The following FANCD2 variants were observed in gnomAD, a reference collection of about 807,000 sequenced individuals.
FANCD2 encodes FA complementation group D2.
Under a neutral mutation model 192.3 loss-of-function variants are expected in FANCD2, and 131 were observed. The ratio of observed to expected loss-of-function variants is 0.68; its 90% CI spans 0.59 to 0.79. FANCD2 has a LOEUF of 0.79. FANCD2 is among the 30% of genes least tolerant of loss of function. The pLI is 0.00. For synonymous variants in FANCD2, 524 were observed against 612.5 expected (o/e 0.86, Z 2.13); for missense variants, 1,508 against 1,701.6 (o/e 0.89, Z 2.00).
At chr3:10,099,164 C>G in intron 43 of FANCD2, 1 of 1,430,566 alleles carries the variant, frequency 7.0e-7, no homozygotes, top group African/African-American at 1.4e-5. Context: ...TGAGTTAAAC[C>G]ATTTAAACAC....
rs759252565 is a variant in FANCD2 at position 10,085,872 on chromosome 3, T to C, written c.3285T>C (p.Ser1095=). 1.9e-6 allele frequency: 3 copies of C among 1,613,796 alleles called. No homozygotes were observed. The highest frequency in any genetic ancestry group is 2.2e-5 in the East Asian group (1 of 44,882). Residue 1095 remains serine (S), a synonymous_variant, in exon 33 of 44, where the codon AGT becomes AGC. Transcript: ENST00000675286. ...NLLYSALHVL[S]SRLKQGEHSQ... ...TGTATTCAGCCCTCCATGTCCTTAGTAGCCGACTGAAACAGGGAGAACACA... is the reference window on the plus strand; with the variant it reads ...TGTATTCAGCCCTCCATGTCCTTAGCAGCCGACTGAAACAGGGAGAACACA...
chr3:10,093,358 T>C, intron 39 of FANCD2, 35 bp downstream of exon 39: 1 of 1,558,480 alleles, frequency 6.4e-7, no homozygotes, highest in Non-Finnish European at 8.9e-7. Flanking sequence ...TCATATTTAT[T>C]CTTCCTGTGG....
At position 10,092,482 on chromosome 3, in the gene FANCD2, T is replaced by C. The variant is rs116832443; in HGVS notation, c.3849+230T>C. Reference sequence around the variant, plus strand: ...TCCTCCTACTTATGCCACAATACTATTTAATGACTCCTTCCATCTGTAATT... The same window carrying C: ...TCCTCCTACTTATGCCACAATACTACTTAATGACTCCTTCCATCTGTAATT... On this transcript the variant is annotated intron_variant, in intron 38 of 43. Coordinates refer to ENST00000675286, the MANE Select transcript of FANCD2 (RefSeq NM_001018115.3). Among the ~76,000 whole-genome samples the C allele has an allele frequency of 8.2e-3, 1,241 of 151,740 alleles. 21 individuals are homozygous for C. Among genetic ancestry groups the C allele is most frequent in the African/African-American group, 0.028 (1,165 of 41,308 alleles).
intron 9 of FANCD2, chr3:10,040,718 A>G (rs2086843436): frequency 2.8e-6 from 1 of 360,790 alleles, no homozygotes; most frequent in Non-Finnish European, 5.4e-6. Context: ...TTTTTTTTAA[A>G]TTCAGTTTGT....
At chr3:10,031,506 A>G (rs1057399726) in intron 2 of FANCD2, among the ~76,000 whole-genome samples, 1 of 151,900 alleles carries the variant, frequency 6.6e-6, no homozygotes, top group Non-Finnish European at 1.5e-5. Context: ...CATTTCAAAA[A>G]AAAAAAAAAA....
At chr3:10,051,622 AAGT>A in intron 17 of FANCD2, among the ~76,000 whole-genome samples, 1 of 152,148 alleles carries the variant, frequency 6.6e-6, no homozygotes, top group East Asian at 1.9e-4. Flanking sequence ...AGAATAAAAA[AAGT>A]AGCTTGAGAA....
chr3:10,074,612 TCTC>T lies in FANCD2; in HGVS notation c.2799_2801del (p.Ser934del). On this transcript the variant is annotated inframe_deletion, in exon 29 of 44. Coordinates refer to ENST00000675286, the MANE Select transcript of FANCD2 (RefSeq NM_001018115.3). ...TTCCGAGAGCTGGACATTGAGGTCT[TCTC>T]TATTCTACATTGTGGACTTGTGACG... 6.2e-7 allele frequency: 1 copy of T among 1,613,642 alleles called. No homozygotes were observed. Among genetic ancestry groups the T allele is most frequent in the African/African-American group, 1.3e-5 (1 of 75,022 alleles).
rs1559369611 is a variant in FANCD2 at position 10,032,883 on chromosome 3, A to G, written c.116A>G (p.Asn39Ser). Residue 39 changes from asparagine (N) to serine (S), a missense_variant, in exon 3 of 44, where the codon AAT (asparagine) becomes AGT (serine). Asn to Ser is a conservative substitution (Grantham distance 46). Around this residue, in one of 5 missense-constraint regions of FANCD2, gnomAD observed 435 missense variants for 421.9 expected, o/e 1.03. Transcript: ENST00000675286. ...AAGACAAAGAAATCTCATATTGCTA[A>G]TGAAGTTGAAGAAAATGACAGCATC... ...SKKTKKSHIA[N>S]EVEENDSIFV... 2 of 1,612,080 alleles carry G rather than the reference A, an allele frequency of 1.2e-6. No homozygotes were observed. Among genetic ancestry groups the G allele is most frequent in the Non-Finnish European group, 8.5e-7 (1 of 1,178,326 alleles).
In FANCD2 at chr3:10,082,066, C is replaced by T. The variant is rs74644901; in HGVS notation, c.3224+602C>T. Among the ~76,000 whole-genome samples the T allele has an allele frequency of 8.5e-5, 13 of 152,298 alleles. No homozygotes were observed. The East Asian group carries it at 2.3e-3, about 27-fold the overall frequency. ...ATAGGCATTTATATCCAACTGCCTA[C>T]GCAACACCTCCTTAGATGTGGCATT... On this transcript the variant is annotated intron_variant, in intron 32 of 43. Transcript: ENST00000675286.
intron 30 of FANCD2, among the ~76,000 whole-genome samples, chr3:10,080,061 C>A (rs1225764520): frequency 1.3e-5 from 2 of 151,230 alleles, no homozygotes. Context: ...ACTACAGGTG[C>A]ACGCCACCAC....
At chr3:10,064,696 G>A in intron 22 of FANCD2, 33 bp from the exon 23 acceptor site, 1 of 1,612,922 alleles carries the variant, frequency 6.2e-7, no homozygotes, top group Non-Finnish European at 8.5e-7. Context: ...GTATTCCTGA[G>A]CTGCAACATC....
chr3:10,043,185 T>A, intron 12 of FANCD2, 35 bp downstream of exon 12: 1 of 1,519,286 alleles, frequency 6.6e-7, no homozygotes, highest in Non-Finnish European at 9.1e-7. Context: ...ATGTCACAAT[T>A]TTCTGACATC....
Position 10,065,464 on chromosome 3 carries a change from G to A in FANCD2, c.2239G>A (p.Gly747Arg), listed in dbSNP as rs531840082. 4 of 1,613,396 alleles carry A rather than the reference G, an allele frequency of 2.5e-6. No individual in the cohort carries two copies. Among genetic ancestry groups the A allele is most frequent in the South Asian group, 2.2e-5 (2 of 91,058 alleles). ...ACTTTGTGTGGAGAGACAGCATAAC[G>A]GAAACTTGGAGGAGATTGATGGTCT... ...LRLCVERQHN[G>R]NLEEIDGLLD... Residue 747 changes from glycine (G) to arginine (R), a missense_variant, in exon 24 of 44, where the codon GGA becomes AGA. Transcript: ENST00000675286.
intron 26 of FANCD2, among the ~76,000 whole-genome samples, chr3:10,068,395 A>C (rs2087778746): frequency 6.6e-6 from 1 of 152,186 alleles, no homozygotes; most frequent in Non-Finnish European, 1.5e-5. Flanking sequence ...CTACAAATAA[A>C]ATAAACAAAA....
At chr3:10,044,985 C>T (rs1475949901) in intron 14 of FANCD2, among the ~76,000 whole-genome samples, 2 of 151,458 alleles carry the variant, frequency 1.3e-5, no homozygotes, top group African/African-American at 4.9e-5. Context: ...GTATTCTGGT[C>T]TAATAACTCA....
chr3:10,039,678 T>G (rs371635259), intron 8 of FANCD2, 43 bp from the exon 9 acceptor site: 13 of 1,611,964 alleles, frequency 8.1e-6, no homozygotes, highest in African/African-American at 1.3e-5. Flanking sequence ...CTTTCTTTAT[T>G]CTGGGTAATG....
chr3:10,059,000 G>A (rs1476908401), intron 18 of FANCD2, among the ~76,000 whole-genome samples: 1 of 152,068 alleles, frequency 6.6e-6, no homozygotes, highest in Non-Finnish European at 1.5e-5. Context: ...ATGTTTTTCA[G>A]CAATGTTTAT....
chr3:10,067,245 A>G lies in FANCD2; in HGVS notation c.2422A>G (p.Met808Val), dbSNP rs375415579. The G allele has an allele frequency of 1.1e-5, 17 of 1,613,588 alleles. No homozygotes were observed. Among genetic ancestry groups the G allele is most frequent in the African/African-American group, 5.3e-5 (4 of 74,916 alleles). ...NAFCQETSPE[M>V]KGKVLTRLKH... ...CTTCTGCCAGGAAACATCACCTGAG[A>G]TGAAGGGGAAGGTGCTCACTCGGTT... The change falls in exon 26 of 44, where the codon ATG becomes GTG. Residue 808 changes from methionine to valine, a missense_variant. By Grantham distance (21) the Met-to-Val change is conservative. Transcript: ENST00000675286.
chr3:10,068,100 A>G (rs1254744557), intron 26 of FANCD2, among the ~76,000 whole-genome samples: 2 of 152,180 alleles, frequency 1.3e-5, no homozygotes, highest in Admixed American at 6.5e-5. Flanking sequence ...CTTATATAAT[A>G]CCACTATTAT....
Sources: allele counts gnomAD v4.1 joint callset (sites outside exome capture counted in the v4.1 genomes callset), GRCh38; gene constraint gnomAD v4.1.1; regional missense constraint gnomAD v4.1.1; transcripts MANE v1.5; gene names NCBI Gene and HGNC (gene_info 2026-07-23, HGNC 2026-07-21).